NEK4: variants seen among roughly 807,000 people sequenced by gnomAD.
NEK4 encodes the protein NIMA related kinase 4, also known as serine/threonine-protein kinase Nek4.
NEK4 carries 86 observed loss-of-function variants against 98.4 expected under a neutral mutation model. The ratio of observed to expected loss-of-function variants is 0.87; its 90% CI spans 0.73 to 1.05. The LOEUF (loss-of-function observed/expected upper bound fraction) is 1.05. Among genes scored for constraint, NEK4 ranks in the 50% least tolerant of loss-of-function variants. NEK4 has a pLI of 0.00. For synonymous variants in NEK4, 328 were observed against 342.2 expected, an observed-to-expected ratio of 0.96 and a Z score of 0.46; for missense variants, 898 against 950.3, an observed-to-expected ratio of 0.94 and a Z score of 0.72.
At chr3:52,763,705 T>A (rs1412085160) in intron 4 of NEK4, 81 bp from the exon 5 acceptor site, 1 of 1,041,400 alleles carries the variant, frequency 9.6e-7, no homozygotes, top group Non-Finnish European at 1.4e-6. Flanking sequence ...TCCCAATATT[T>A]ATTTATAGTC....
At chr3:52,743,498 G>T in intron 11 of NEK4, 37 bp from the exon 12 acceptor site, 1 of 1,531,762 alleles carries the variant, frequency 6.5e-7, no homozygotes, top group Non-Finnish European at 9.0e-7. Flanking sequence ...TGTTTGTGGT[G>T]GGCTGCCCCA....
chr3:52,738,610 C>A lies in NEK4; in HGVS notation c.2299+819G>T, dbSNP rs547216297. Reference sequence around the variant, plus strand: ...GGACTACAGGCATGAGCCACTATGCCTGGCTAATTTTTGTATTTTTTGTAG... The same window carrying A: ...GGACTACAGGCATGAGCCACTATGCATGGCTAATTTTTGTATTTTTTGTAG... On this transcript the variant is annotated intron_variant, in intron 14 of 15. Coordinates refer to ENST00000233027, the MANE Select transcript of NEK4 (RefSeq NM_003157.6). 3.9e-5 allele frequency among the ~76,000 whole-genome samples: 6 copies of A among 152,078 alleles called. No individual in the cohort carries two copies. In the South Asian group the frequency reaches 8.3e-4, roughly 21 times the overall value.
intron 4 of NEK4, among the ~76,000 whole-genome samples, chr3:52,764,907 A>G (rs972269952): frequency 9.2e-5 from 14 of 151,952 alleles, no homozygotes; most frequent in Admixed American, 7.9e-4. Flanking sequence ...AGAGAAGAGA[A>G]TTTCACTCCC....
chr3:52,735,408 T>G (rs572189480), intron 15 of NEK4, among the ~76,000 whole-genome samples: 9 of 152,372 alleles, frequency 5.9e-5, no homozygotes. Flanking sequence ...TGTTTTCTTT[T>G]GAAAATACAT....
intron 11 of NEK4, among the ~76,000 whole-genome samples, chr3:52,743,752 T>C (rs2097390789): frequency 6.6e-6 from 1 of 152,168 alleles, no homozygotes; most frequent in Non-Finnish European, 1.5e-5. Flanking sequence ...AATGAGATAA[T>C]ACCCTTAATA....
intron 11 of NEK4, 63 bp from the exon 12 acceptor site, chr3:52,743,524 G>C (rs1053877603): frequency 7.9e-7 from 1 of 1,270,712 alleles, no homozygotes; most frequent in African/African-American, 1.5e-5. Context: ...AAAGGGCTTT[G>C]TATTTGGTAT....
intron 2 of NEK4, 37 bp from the exon 3 acceptor site, chr3:52,766,412 G>A (rs1559452165): frequency 7.0e-7 from 1 of 1,420,558 alleles, no homozygotes; most frequent in East Asian, 2.3e-5. Context: ...CATATAAATA[G>A]ACTTAATTAT....
intron 14 of NEK4, among the ~76,000 whole-genome samples, chr3:52,738,389 A>G (rs2097379896): frequency 6.7e-6 from 1 of 148,916 alleles, no homozygotes; most frequent in Admixed American, 6.7e-5. Context: ...AGGCATGATG[A>G]TACCACACCA....
At chr3:52,733,572 C>A in intron 15 of NEK4, 1 of 510,668 alleles carries the variant, frequency 2.0e-6, no homozygotes, top group South Asian at 1.4e-5. Flanking sequence ...TGCACGGCAT[C>A]AAATAATTCA....
intron 15 of NEK4, among the ~76,000 whole-genome samples, chr3:52,713,275 C>T (rs981499556): frequency 5.3e-5 from 8 of 152,080 alleles, no homozygotes; most frequent in African/African-American, 1.7e-4. Flanking sequence ...AAATGTATAA[C>T]CTAAATCTAT....
At chr3:52,765,770 A>T in intron 4 of NEK4, 117 bp downstream of exon 4, 1 of 661,564 alleles carries the variant, frequency 1.5e-6, no homozygotes, top group Non-Finnish European at 2.7e-6. Context: ...GTTAACTATC[A>T]ACCCAATCTC....
intron 15 of NEK4, among the ~76,000 whole-genome samples, chr3:52,712,174 CAA>C (rs1278339400): frequency 6.6e-6 from 1 of 152,162 alleles, no homozygotes; most frequent in Non-Finnish European, 1.5e-5. Flanking sequence ...ATAGGTAAAA[CAA>C]AATCAATTTC....
chr3:52,750,057 T>C (rs2097402558), intron 7 of NEK4, among the ~76,000 whole-genome samples: 1 of 152,182 alleles, frequency 6.6e-6, no homozygotes, highest in South Asian at 2.1e-4. Context: ...AAAAGTTTAA[T>C]ACATAGAGTT....
In NEK4 at chr3:52,752,115, A is replaced by AT; in HGVS notation, c.1184dup (p.Asn395LysfsTer2). The AT allele has an allele frequency of 6.2e-7, 1 of 1,614,172 alleles. No individual in the cohort carries two copies. The highest frequency in any genetic ancestry group is 8.5e-7 in the Non-Finnish European group (1 of 1,179,994). On this transcript the variant is annotated frameshift_variant, in exon 7 of 16. Transcript: ENST00000233027. LOFTEE classifies it high-confidence loss of function. ...AAATACTGCATATACCTCCTAACTC[A>AT]TTAGAGGCATCCAAATATCTTGGCT...
intron 6 of NEK4, among the ~76,000 whole-genome samples, chr3:52,759,032 A>G (rs897651551): frequency 2.0e-5 from 3 of 149,980 alleles, no homozygotes; most frequent in Non-Finnish European, 4.4e-5. Flanking sequence ...CAGAGGCTGT[A>G]GTGAGCTATG....
At chr3:52,736,927 G>C (rs949859862) in intron 15 of NEK4, among the ~76,000 whole-genome samples, 1 of 152,024 alleles carries the variant, frequency 6.6e-6, no homozygotes, top group Non-Finnish European at 1.5e-5. Flanking sequence ...CATGTTTTAG[G>C]TAATAGGTAA....
rs574607171 is a variant in NEK4, at chr3:52,730,183, A to G, written c.2433+7403T>C. 8.5e-5 allele frequency among the ~76,000 whole-genome samples: 13 copies of G among 152,370 alleles called. No homozygotes were observed. The East Asian group carries it at 2.5e-3, about 29-fold the overall frequency. ...GTATGCCAACAAGTTGCATAAACCT[A>G]GATGAAATGGACACATTCCTAGAAA... is the stretch of plus-strand genomic sequence containing the variant. On this transcript the variant is annotated intron_variant, in intron 15 of 15. Transcript: ENST00000233027.
chr3:52,761,048 T>G (rs1698337809), intron 5 of NEK4, 112 bp from the exon 6 acceptor site: 2 of 665,306 alleles, frequency 3.0e-6, no homozygotes. Context: ...ACTGCACCAT[T>G]TATAGAGAAT....
Position 52,746,757 on chromosome 3 carries a change from G to A in NEK4, c.1654C>T (p.Gln552Ter), listed in dbSNP as rs1578667172. The change falls in exon 9 of 16, where the codon CAG (glutamine) becomes TAG (stop). Residue 552 changes from glutamine (Q) to a stop codon, truncating the protein, a stop_gained. Coordinates refer to ENST00000233027, the MANE Select transcript of NEK4 (RefSeq NM_003157.6). LOFTEE classifies it high-confidence loss of function. Reference sequence around the variant, plus strand: ...ACAGCAAAGAGATCTCTGCGGACCTGTCTCTTTTCCCCTCTGTGCTCAGTC... The same window carrying A: ...ACAGCAAAGAGATCTCTGCGGACCTATCTCTTTTCCCCTCTGTGCTCAGTC... ...EQTEHRGEKR[Q>*]VRRDLFAFQE... The A allele has an allele frequency of 6.2e-7, 1 of 1,613,750 alleles. No individual in the cohort carries two copies. Among genetic ancestry groups the A allele is most frequent in the Non-Finnish European group, 8.5e-7 (1 of 1,179,848 alleles).
Sources: gnomAD v4.1 joint callset for allele counts (sites outside exome capture counted in the v4.1 genomes callset) on GRCh38, gnomAD v4.1.1 for gene constraint, MANE v1.5 for transcripts, NCBI Gene and HGNC (gene_info 2026-07-23, HGNC 2026-07-21) for gene names.